Variants in LRMDA observed in about 807,000 individuals in gnomAD.
LRMDA encodes the protein leucine rich melanocyte differentiation associated.
Under a neutral mutation model 29.8 loss-of-function variants are expected in LRMDA, and 18 were observed. The observed-to-expected ratio is 0.60, with a 90% CI of 0.42 to 0.90. The LOEUF (loss-of-function observed/expected upper bound fraction) is 0.90. Among genes scored for constraint, LRMDA ranks in the 40% least tolerant of loss-of-function variants. The probability of loss-of-function intolerance (pLI) is 0.00; values close to 1 mark genes in which losing one functional copy is unlikely to be tolerated. For missense variants in LRMDA, 273 were observed against 273.9 expected (o/e 1.00, Z 0.02); for synonymous variants, 125 against 109.4 (o/e 1.14, Z -0.89).
chr10:75,982,021 C>G (rs78033807), intron 2 of LRMDA, among the ~76,000 whole-genome samples: 1,886 of 152,216 alleles, frequency 0.012, 33 homozygotes, highest in African/African-American at 0.04. Flanking sequence ...TCCAGTGTTT[C>G]TCTTCTTACA....
At chr10:76,486,907 C>T (rs1369706737) in intron 6 of LRMDA, among the ~76,000 whole-genome samples, 2 of 151,818 alleles carry the variant, frequency 1.3e-5, no homozygotes, top group Non-Finnish European at 2.9e-5. Context: ...AGTGAATATT[C>T]TTTGGTCTTG....
intron 5 of LRMDA, among the ~76,000 whole-genome samples, chr10:76,239,226 G>C (rs535057368): frequency 3.3e-4 from 50 of 152,256 alleles, no homozygotes; most frequent in African/African-American, 8.4e-4. Flanking sequence ...GAGAGGCCCT[G>C]ATCTTTCTGG....
intron 2 of LRMDA, among the ~76,000 whole-genome samples, chr10:76,034,144 AAACCTTCCTGCCTAGATGTGCG>A (rs1244688649): frequency 4.6e-5 from 7 of 152,208 alleles, no homozygotes; most frequent in Admixed American, 1.3e-4. Flanking sequence ...GCAAAGTCCC[AAACCTTCCTGCCTAGATGTGCG>A]TACATTGTGG....
At chr10:75,570,789 G>C (rs1481156165) in intron 2 of LRMDA, among the ~76,000 whole-genome samples, 6 of 152,154 alleles carry the variant, frequency 3.9e-5, no homozygotes. Context: ...CTTGCAGAAA[G>C]TTGCATCTGT....
chr10:76,122,905 C>G (rs1490051610), intron 5 of LRMDA, among the ~76,000 whole-genome samples: 1 of 152,126 alleles, frequency 6.6e-6, no homozygotes, highest in African/African-American at 2.4e-5. Flanking sequence ...CTCTTTAGCT[C>G]TAAGTTCCTT....
At chr10:75,719,408 A>G (rs2132185836) in intron 2 of LRMDA, among the ~76,000 whole-genome samples, 1 of 152,368 alleles carries the variant, frequency 6.6e-6, no homozygotes, top group Middle Eastern at 3.4e-3. Context: ...CATGATGTGA[A>G]TAAAAAGAAG....
intron 2 of LRMDA, among the ~76,000 whole-genome samples, chr10:75,944,465 G>GT (rs1337190451): frequency 3.3e-5 from 5 of 151,614 alleles, no homozygotes; most frequent in African/African-American, 9.7e-5. Context: ...ATTTGTGGGG[G>GT]TTTTTTGCCA....
At chr10:76,028,832 T>G (rs1848104174) in intron 2 of LRMDA, among the ~76,000 whole-genome samples, 1 of 151,172 alleles carries the variant, frequency 6.6e-6, no homozygotes, top group East Asian at 1.9e-4. Context: ...TTTTTTTTTT[T>G]TTTTGAGCCG....
At position 75,657,745 on chromosome 10, in the gene LRMDA, GC is replaced by G. The variant is rs1158411332; in HGVS notation, c.131+219252del. ...GCTTCCAGGGTGAGAGAGTTGGGGGGCAAACTGGTGGGCAAATTGGGGAGGC... is the reference window on the plus strand; with the variant it reads ...GCTTCCAGGGTGAGAGAGTTGGGGGGAAACTGGTGGGCAAATTGGGGAGGC... On this transcript the variant is annotated intron_variant, in intron 2 of 6. Coordinates refer to ENST00000611255, the MANE Select transcript of LRMDA (RefSeq NM_001305581.2). Among the ~76,000 whole-genome samples the G allele has an allele frequency of 5.3e-5, 8 of 152,300 alleles. No individual in the cohort carries two copies. In the East Asian group the frequency reaches 1.3e-3, roughly 26 times the overall value.
At chr10:75,936,708 G>A (rs1241729684) in intron 2 of LRMDA, among the ~76,000 whole-genome samples, 1 of 152,116 alleles carries the variant, frequency 6.6e-6, no homozygotes, top group Non-Finnish European at 1.5e-5. Context: ...GTCATATTGT[G>A]TCTTCACATA....
intron 2 of LRMDA, among the ~76,000 whole-genome samples, chr10:75,861,909 G>A (rs1844936939): frequency 6.6e-6 from 1 of 152,128 alleles, no homozygotes; most frequent in African/African-American, 2.4e-5. Context: ...GAATCCACCT[G>A]CCAGGTAAAG....
chr10:76,229,993 C>T (rs1205446008), intron 5 of LRMDA, among the ~76,000 whole-genome samples: 1 of 152,016 alleles, frequency 6.6e-6, no homozygotes, highest in African/African-American at 2.4e-5. Context: ...TTCCCTGGAG[C>T]CCCCTGGGAC....
At chr10:75,639,702 C>T (rs1426355740) in intron 2 of LRMDA, among the ~76,000 whole-genome samples, 1 of 152,116 alleles carries the variant, frequency 6.6e-6, no homozygotes, top group African/African-American at 2.4e-5. Context: ...CTTGGTTTAA[C>T]TTAGGTTTGA....
At chr10:75,494,584 T>C (rs1279253235) in intron 2 of LRMDA, among the ~76,000 whole-genome samples, 1 of 121,116 alleles carries the variant, frequency 8.3e-6, no homozygotes, top group African/African-American at 3.1e-5. Flanking sequence ...CACTGCAAAC[T>C]CCGCCTCCTG....
At chr10:75,569,832 C>T (rs1034993798) in intron 2 of LRMDA, among the ~76,000 whole-genome samples, 1 of 152,216 alleles carries the variant, frequency 6.6e-6, no homozygotes, top group African/African-American at 2.4e-5. Context: ...GTGAGCTGTG[C>T]TCAGCTTGCC....
intron 2 of LRMDA, among the ~76,000 whole-genome samples, chr10:75,926,968 A>C (rs968146221): frequency 8.5e-5 from 13 of 152,170 alleles, no homozygotes; most frequent in Non-Finnish European, 1.5e-4. Flanking sequence ...AGCCTCCCCT[A>C]GTGCTCCACG....
chr10:76,052,408 G>A (rs1461484669), intron 4 of LRMDA, among the ~76,000 whole-genome samples: 1 of 152,104 alleles, frequency 6.6e-6, no homozygotes, highest in African/African-American at 2.4e-5. Context: ...TGGTTGTAAG[G>A]TGTTCCTGGG....
chr10:75,935,773 C>T (rs1333242963), intron 2 of LRMDA, among the ~76,000 whole-genome samples: 3 of 152,170 alleles, frequency 2.0e-5, no homozygotes, highest in Non-Finnish European at 4.4e-5. Context: ...TCTCCCACCA[C>T]TGGGAAGCCG....
chr10:76,315,272 C>G (rs1226994056), intron 5 of LRMDA, among the ~76,000 whole-genome samples: 1 of 152,234 alleles, frequency 6.6e-6, no homozygotes, highest in Admixed American at 6.5e-5. Flanking sequence ...TGGTGGGAGC[C>G]AGGAACAGAC....
Sources: allele counts gnomAD v4.1 joint callset (sites outside exome capture counted in the v4.1 genomes callset), GRCh38; gene constraint gnomAD v4.1.1; transcripts MANE v1.5; gene names NCBI Gene and HGNC (gene_info 2026-07-23, HGNC 2026-07-21).